Variants in NPHP1 observed in about 807,000 individuals in gnomAD.
NPHP1 encodes the protein nephrocystin-1.
A neutral mutation model predicts 90.4 loss-of-function variants in NPHP1; 70 were observed. The observed-to-expected ratio is 0.77, with a 90% confidence interval of 0.64 to 0.95. NPHP1 has a LOEUF of 0.95. Among genes scored for constraint, NPHP1 ranks in the 40% least tolerant of loss-of-function variants. The pLI, the probability that NPHP1 is intolerant of heterozygous loss-of-function variation, is 0.00. For synonymous variants in NPHP1, 256 were observed against 271.7 expected, an observed-to-expected ratio of 0.94 and a Z score of 0.57; for missense variants, 764 against 795.9, an observed-to-expected ratio of 0.96 and a Z score of 0.48.
chr2:110,151,459 A>C (rs774636764), intron 11 of NPHP1, among the ~76,000 whole-genome samples: 1 of 152,148 alleles, frequency 6.6e-6, no homozygotes, highest in Non-Finnish European at 1.5e-5. Context: ...AAAGGAATGG[A>C]TAATAGTTAA....
chr2:110,146,725 A>G (rs759174109), intron 14 of NPHP1, 28 bp downstream of exon 14: 2 of 1,508,792 alleles, frequency 1.3e-6, no homozygotes, highest in Admixed American at 1.7e-5. Flanking sequence ...AGAAGTATTC[A>G]TTCGTTAGGA....
At chr2:110,157,653 T>C (rs868065547) in intron 11 of NPHP1, among the ~76,000 whole-genome samples, 4 of 152,090 alleles carry the variant, frequency 2.6e-5, no homozygotes, top group Non-Finnish European at 4.4e-5. Context: ...TCCTCTCTCC[T>C]CCATATCCAG....
At chr2:110,196,324 G>C (rs1052591842) in intron 2 of NPHP1, among the ~76,000 whole-genome samples, 6 of 151,918 alleles carry the variant, frequency 3.9e-5, no homozygotes, top group South Asian at 4.2e-4. Context: ...AACAAACGAC[G>C]CCATCAAAAA....
chr2:110,196,600 T>G (rs922206341), intron 2 of NPHP1, among the ~76,000 whole-genome samples: 6 of 152,196 alleles, frequency 3.9e-5, no homozygotes, highest in Non-Finnish European at 8.8e-5. Flanking sequence ...GTGTGGCGAT[T>G]CCTCAGGAAT....
Position 110,204,920 on chromosome 2 carries a change from T to C in NPHP1, c.49A>G (p.Asn17Asp), listed in dbSNP as rs1167096249. 15 of 1,613,876 alleles carry C rather than the reference T, an allele frequency of 9.3e-6. No homozygotes were observed. Among genetic ancestry groups the C allele is most frequent in the Non-Finnish European group, 1.3e-5 (15 of 1,179,944 alleles). ...RDPLQALRRR[N>D]QELKQQVDSL... ...CATACCTGTTGCTTCAGCTCCTGAT[T>C]GCGGCGCCGCAGGGCCTGGAGAGGA... The change falls in exon 1 of 20, where the codon AAT becomes GAT. Residue 17 changes from asparagine to aspartate, a missense_variant. Physicochemically the swap from Asn to Asp is conservative, Grantham distance 23 (BLOSUM62 1). Transcript: ENST00000445609.
intron 16 of NPHP1, among the ~76,000 whole-genome samples, chr2:110,138,431 T>C (rs1680374019): frequency 6.6e-6 from 1 of 152,186 alleles, no homozygotes; most frequent in Non-Finnish European, 1.5e-5. Context: ...TATCTTGATA[T>C]ACAGCATGTG....
intron 1 of NPHP1, among the ~76,000 whole-genome samples, chr2:110,204,514 G>C (rs1037982013): frequency 7.9e-5 from 12 of 152,136 alleles, no homozygotes; most frequent in Admixed American, 2.6e-4. Flanking sequence ...CTTGGAAAGT[G>C]GAGGAGAGGA....
chr2:110,155,626 A>C (rs746130417), intron 11 of NPHP1, among the ~76,000 whole-genome samples: 1 of 152,142 alleles, frequency 6.6e-6, no homozygotes, highest in Non-Finnish European at 1.5e-5. Flanking sequence ...GAGTCAAAGG[A>C]GATCATTTTG....
intron 16 of NPHP1, among the ~76,000 whole-genome samples, chr2:110,136,076 T>C (rs1368800323): frequency 6.6e-6 from 1 of 152,114 alleles, no homozygotes; most frequent in Non-Finnish European, 1.5e-5. Flanking sequence ...AAAAACCACA[T>C]GATTATCTCA....
chr2:110,131,177 T>G (rs2104435944), intron 17 of NPHP1, among the ~76,000 whole-genome samples: 1 of 152,328 alleles, frequency 6.6e-6, no homozygotes, highest in Non-Finnish European at 1.5e-5. Flanking sequence ...TTTAACATTT[T>G]ACTTGGTAAA....
Position 110,160,237 on chromosome 2 carries a change from G to C in NPHP1, c.973C>G (p.Arg325Gly). The C allele has an allele frequency of 6.2e-7, 1 of 1,610,436 alleles. No individual in the cohort carries two copies. The highest frequency in any genetic ancestry group is 8.5e-7 in the Non-Finnish European group (1 of 1,176,888). ...CATAATGTCAGAATCAATGAAATACGACTTGGTCTCGACCTAATCTGAAAG... is the reference window on the plus strand; with the variant it reads ...CATAATGTCAGAATCAATGAAATACCACTTGGTCTCGACCTAATCTGAAAG... ...TEGTIRSRPSRISLILTLWSC... is the reference protein window; with the variant it reads ...TEGTIRSRPSGISLILTLWSC... The change falls in exon 11 of 20, where the codon CGT becomes GGT. Residue 325 changes from arginine (R) to glycine (G), a missense_variant. Coordinates refer to ENST00000445609, the MANE Select transcript of NPHP1 (RefSeq NM_001128178.3).
intron 18 of NPHP1, chr2:110,128,039 CAGG>C (rs1443752360): frequency 6.6e-6 from 1 of 152,096 alleles, no homozygotes; most frequent in Non-Finnish European, 1.5e-5. Context: ...TCTAAAATTA[CAGG>C]AGATCATATG....
At chr2:110,128,235 T>C (rs567705122) in intron 18 of NPHP1, 1 of 151,728 alleles carries the variant, frequency 6.6e-6, no homozygotes, top group African/African-American at 2.4e-5. Context: ...TCAGCAGGAG[T>C]CACCCCCTAA....
At chr2:110,168,300 T>C in intron 6 of NPHP1, 152 bp downstream of exon 6, 1 of 633,594 alleles carries the variant, frequency 1.6e-6, no homozygotes, top group South Asian at 1.9e-5. Context: ...TAATACACAA[T>C]GTTTTTCCCA....
chr2:110,150,023 G>T (rs1460253422), intron 12 of NPHP1, among the ~76,000 whole-genome samples, 159 bp downstream of exon 12: 1 of 152,124 alleles, frequency 6.6e-6, no homozygotes, highest in Non-Finnish European at 1.5e-5. Flanking sequence ...ACTAACATTG[G>T]TGAGTCAGAA....
chr2:110,124,138 AG>A, intron 19 of NPHP1, 75 bp from the exon 20 acceptor site: 1 of 1,559,100 alleles, frequency 6.4e-7, no homozygotes, highest in Non-Finnish European at 8.8e-7. Context: ...ATTAACTAAA[AG>A]CCACCTAAGA....
chr2:110,131,372 G>A (rs577822679), intron 17 of NPHP1, among the ~76,000 whole-genome samples: 36 of 152,116 alleles, frequency 2.4e-4, no homozygotes, highest in African/African-American at 8.4e-4. Flanking sequence ...AAACACATGG[G>A]AAAAAACAGA....
chr2:110,204,651 C>G (rs892112060), intron 1 of NPHP1, among the ~76,000 whole-genome samples: 9 of 151,232 alleles, frequency 6.0e-5, no homozygotes, highest in African/African-American at 2.2e-4. Context: ...GAGGAGGGGG[C>G]GCTTAGTTGA....
intron 12 of NPHP1, among the ~76,000 whole-genome samples, chr2:110,148,531 A>G (rs1681236472): frequency 6.6e-6 from 1 of 152,190 alleles, no homozygotes; most frequent in East Asian, 1.9e-4. Context: ...CCTTTGCATT[A>G]TAATAAAAGC....
Sources: gnomAD v4.1 joint callset for allele counts (sites outside exome capture counted in the v4.1 genomes callset) on GRCh38, gnomAD v4.1.1 for gene constraint, MANE v1.5 for transcripts, NCBI Gene and HGNC (gene_info 2026-07-23, HGNC 2026-07-21) for gene names.